C11orf97: variants seen among roughly 807,000 people sequenced by gnomAD.
C11orf97 encodes chromosome 11 open reading frame 97.
C11orf97 carries 15 observed loss-of-function variants against 16.2 expected under a neutral mutation model. The ratio of observed to expected loss-of-function variants is 0.93; its 90% CI spans 0.62 to 1.43. The LOEUF is 1.43. C11orf97 is among the 40% of genes most tolerant of loss of function. The pLI, the probability that C11orf97 is intolerant of heterozygous loss-of-function variation, is 0.00. For missense variants in C11orf97, 171 were observed against 161.2 expected, an observed-to-expected ratio of 1.06 and a Z score of -0.33; for synonymous variants, 61 against 65.7, an observed-to-expected ratio of 0.93 and a Z score of 0.34.
chr11:94,514,292 A>C (rs1310261070), intron 1 of C11orf97, among the ~76,000 whole-genome samples: 2 of 152,216 alleles, frequency 1.3e-5, no homozygotes. Flanking sequence ...GACTTAAGGC[A>C]GGTGTCCAAA....
intron 2 of C11orf97, among the ~76,000 whole-genome samples, chr11:94,523,623 G>A (rs1221253865): frequency 2.0e-5 from 3 of 152,194 alleles, no homozygotes; most frequent in Non-Finnish European, 1.5e-5. Flanking sequence ...GGTCATTTCT[G>A]TGCTTTTTCT....
intron 2 of C11orf97, among the ~76,000 whole-genome samples, chr11:94,525,246 T>C (rs1236927747): frequency 6.6e-6 from 1 of 152,214 alleles, no homozygotes; most frequent in Non-Finnish European, 1.5e-5. Flanking sequence ...AGGTCTTTTG[T>C]ATTTTTCTGG....
intron 1 of C11orf97, among the ~76,000 whole-genome samples, chr11:94,513,070 A>G (rs1033597492): frequency 6.6e-6 from 1 of 152,134 alleles, no homozygotes; most frequent in Non-Finnish European, 1.5e-5. Flanking sequence ...TTTGCCAGTT[A>G]TTTCATTTTA....
intron 2 of C11orf97, 100 bp from the exon 3 acceptor site, chr11:94,527,984 C>A: frequency 2.6e-6 from 3 of 1,173,770 alleles, no homozygotes; most frequent in Non-Finnish European, 3.4e-6. Flanking sequence ...AAACCCCCAC[C>A]CAAATAAATA....
chr11:94,512,482 A>T lies in C11orf97; in HGVS notation c.-47A>T. ...TCGCATGCTGGGCTGCCTGCGACTG[A>T]GCTGAGAAGGAAACCGTGCCCAGGG... is the stretch of plus-strand genomic sequence containing the variant. On this transcript the variant is annotated 5_prime_UTR_variant, in exon 1 of 4. Transcript: ENST00000542198. 1 of 1,264,792 alleles carries T rather than the reference A, an allele frequency of 7.9e-7. No individual in the cohort carries two copies. Among genetic ancestry groups the T allele is most frequent in the African/African-American group, 1.5e-5 (1 of 64,646 alleles). 78.3% of individuals were successfully genotyped at this position (1,264,792 alleles called of 1,614,324 possible).
intron 2 of C11orf97, among the ~76,000 whole-genome samples, chr11:94,520,651 C>T (rs1423442121): frequency 2.0e-5 from 3 of 152,162 alleles, no homozygotes; most frequent in South Asian, 2.1e-4. Flanking sequence ...GATGGTACCA[C>T]CAAACACCTA....
chr11:94,527,433 C>T (rs541784296), intron 2 of C11orf97, among the ~76,000 whole-genome samples: 1 of 152,310 alleles, frequency 6.6e-6, no homozygotes, highest in South Asian at 2.1e-4. Context: ...AAAACCTAAC[C>T]AGGTGATTTT....
rs1241406730 is a variant in C11orf97, at chr11:94,512,570, G to A, written c.42G>A (p.Ala14=). 3 of 1,305,204 alleles carry A rather than the reference G, an allele frequency of 2.3e-6. No individual in the cohort carries two copies. In the South Asian group the frequency reaches 6.6e-5, roughly 29 times the overall value. The allele number at this position is 1,305,204 out of a possible 1,614,324, so 80.9% of individuals were successfully genotyped here. A position where few individuals can be genotyped will look rare whatever the true frequency, so the allele number is the denominator to read the frequency against. Residue 14 remains alanine (A), a synonymous_variant, in exon 1 of 4, where the codon GCG becomes GCA. Transcript: ENST00000542198. The part of the protein sequence containing the change: ...EEAVVVTAVV[A]PKAGREEEQP... ...CGGTGGTGGTGACCGCAGTGGTGGCGCCCAAGGCGGGTCGCGAAGAGGAGC... is the reference window on the plus strand; with the variant it reads ...CGGTGGTGGTGACCGCAGTGGTGGCACCCAAGGCGGGTCGCGAAGAGGAGC...
chr11:94,512,610 G>A lies in C11orf97; in HGVS notation c.82G>A (p.Ala28Thr). The change falls in exon 1 of 4, where the codon GCA (alanine) becomes ACA (threonine). Residue 28 changes from alanine (A) to threonine (T), a missense_variant. Coordinates refer to ENST00000542198, the MANE Select transcript of C11orf97 (RefSeq NM_001190462.2). ...CGAAGAGGAGCAGCCTCCTCCGCCA[G>A]CAGGGCTGGGGTGCGGGGCGCGCGG... Reference protein sequence around the residue: ...GREEEQPPPPAGLGCGARGEP... With the variant: ...GREEEQPPPPTGLGCGARGEP... The A allele has an allele frequency of 7.8e-7, 1 of 1,276,128 alleles. No homozygotes were observed. The allele number at this position is 1,276,128 out of a possible 1,614,324, so 79.1% of individuals were successfully genotyped here.
rs185494464 is a variant in C11orf97 at position 94,526,447 on chromosome 11, T to C, written c.251-1637T>C. On this transcript the variant is annotated intron_variant, in intron 2 of 3. Transcript: ENST00000542198. ...TCTGTGACATTCTTGTGATTGCATC[T>C]GAAAGAGCACACTTCATTTAGTACA... is the stretch of plus-strand genomic sequence containing the variant. Among the ~76,000 whole-genome samples, 169 of 152,370 alleles carry C rather than the reference T, an allele frequency of 1.1e-3. 1 individual carries two copies. The highest frequency in any genetic ancestry group is 3.7e-4 in the Non-Finnish European group (25 of 68,032).
At chr11:94,515,652 C>CTCCTTTCCTTCCCTTTT (rs1226914830) in intron 1 of C11orf97, among the ~76,000 whole-genome samples, 5 of 145,824 alleles carry the variant, frequency 3.4e-5, no homozygotes, top group African/African-American at 1.0e-4. Flanking sequence ...TTTGTCCTTT[C>CTCCTTTCCTTCCCTTTT]TCCTTTCCTT....
chr11:94,528,287 T>C, intron 3 of C11orf97, 78 bp downstream of exon 3: 3 of 1,251,446 alleles, frequency 2.4e-6, no homozygotes, highest in South Asian at 1.9e-5. Flanking sequence ...GTATATGCTC[T>C]GTTTAAAGAT....
intron 3 of C11orf97, 137 bp downstream of exon 3, chr11:94,528,346 T>C: frequency 2.4e-6 from 2 of 831,740 alleles, no homozygotes; most frequent in Non-Finnish European, 3.4e-6. Context: ...TGGGTTGCTT[T>C]TAGTTTGGCC....
chr11:94,526,002 T>A (rs1439377825), intron 2 of C11orf97, among the ~76,000 whole-genome samples: 2 of 152,198 alleles, frequency 1.3e-5, no homozygotes, highest in Non-Finnish European at 2.9e-5. Flanking sequence ...TCTAGAAGAT[T>A]CTGAGCCTCA....
intron 2 of C11orf97, among the ~76,000 whole-genome samples, chr11:94,519,155 A>G (rs484590): frequency 0.57 from 87,074 of 151,462 alleles, 25,257 homozygotes; most frequent in African/African-American, 0.62. Context: ...TGATCTGCCC[A>G]CCTCGGCCTC....
At chr11:94,524,121 T>C (rs924126379) in intron 2 of C11orf97, among the ~76,000 whole-genome samples, 1 of 152,028 alleles carries the variant, frequency 6.6e-6, no homozygotes, top group Non-Finnish European at 1.5e-5. Flanking sequence ...ATAGTAATAA[T>C]GGTTATCATT....
At chr11:94,530,087 AT>A (rs1947727083) in intron 3 of C11orf97, among the ~76,000 whole-genome samples, 1 of 152,234 alleles carries the variant, frequency 6.6e-6, no homozygotes, top group Non-Finnish European at 1.5e-5. Flanking sequence ...AAATTATCCA[AT>A]TTATTGATTG....
At chr11:94,523,430 A>C (rs1410889231) in intron 2 of C11orf97, among the ~76,000 whole-genome samples, 1 of 152,262 alleles carries the variant, frequency 6.6e-6, no homozygotes. Context: ...GATTTCAGTA[A>C]GAGTCCAGAT....
chr11:94,515,900 G>T (rs191364240), intron 1 of C11orf97, among the ~76,000 whole-genome samples: 1 of 152,216 alleles, frequency 6.6e-6, no homozygotes, highest in Admixed American at 6.5e-5. Context: ...GATCTGAACT[G>T]AGAGCAGGTG....
Sources: gnomAD v4.1 joint callset for allele counts (sites outside exome capture counted in the v4.1 genomes callset) on GRCh38, gnomAD v4.1.1 for gene constraint, MANE v1.5 for transcripts, NCBI Gene and HGNC (gene_info 2026-07-23, HGNC 2026-07-21) for gene names.